The following BLTP1 variants were observed in gnomAD, a reference collection of about 807,000 sequenced individuals.
The protein encoded by BLTP1 is fragile site-associated protein.
the BLTP1 span, among the ~76,000 whole-genome samples, chr4:122,287,170 A>G: frequency 7.2e-5 from 11 of 152,210 alleles, 1 homozygote; most frequent in South Asian, 2.1e-4. Context: ...TCATTTTGTA[A>G]GTGAGCAAAC....
chr4:122,362,193 T>C, the BLTP1 span: 1 of 1,613,454 alleles, frequency 6.2e-7, no homozygotes, highest in East Asian at 2.2e-5. Flanking sequence ...AAAAGCTCGG[T>C]ACTGCACTAC....
At chr4:122,183,181 C>T in the BLTP1 span, 3 of 420,432 alleles carry the variant, frequency 7.1e-6, no homozygotes, top group African/African-American at 6.5e-5. Context: ...ACAAAAAATA[C>T]AAAAATTAGC....
At chr4:122,170,836 A>G in the BLTP1 span, 5 of 683,038 alleles carry the variant, frequency 7.3e-6, no homozygotes, top group Non-Finnish European at 1.2e-5. Context: ...AAGTTGGAAC[A>G]CTAACACTAC....
At chr4:122,276,259 G>A in the BLTP1 span, 1 of 375,758 alleles carries the variant, frequency 2.7e-6, no homozygotes, top group Admixed American at 5.0e-5. Context: ...TAACACTGTA[G>A]TTGTGTGTTG....
At chr4:122,210,832 G>A in the BLTP1 span, 9 of 1,578,944 alleles carry the variant, frequency 5.7e-6, no homozygotes, top group African/African-American at 8.2e-5. Context: ...CTTCCAAGAA[G>A]TCTTTTGTCC....
chr4:122,169,764 A>G, the BLTP1 span: 21 of 984,144 alleles, frequency 2.1e-5, no homozygotes, highest in South Asian at 4.7e-4. Context: ...ACAGTTCTAC[A>G]GTGAATTTTT....
chr4:122,252,557 G>A, the BLTP1 span, among the ~76,000 whole-genome samples: 44 of 152,302 alleles, frequency 2.9e-4, no homozygotes, highest in African/African-American at 1.0e-3. Context: ...ATGGGGTAAG[G>A]ATTCTCTGCC....
At chr4:122,316,615 T>C in the BLTP1 span, 1 of 1,365,136 alleles carries the variant, frequency 7.3e-7, no homozygotes, top group East Asian at 2.4e-5. Flanking sequence ...AATTCCAACC[T>C]TAATATAGAT....
the BLTP1 span, among the ~76,000 whole-genome samples, chr4:122,218,614 A>C: frequency 6.6e-6 from 1 of 152,220 alleles, no homozygotes; most frequent in African/African-American, 2.4e-5. Flanking sequence ...AGATATGCTG[A>C]CAATGTTAAC....
the BLTP1 span, chr4:122,325,716 T>G: frequency 2.3e-6 from 2 of 860,964 alleles, no homozygotes; most frequent in Non-Finnish European, 3.2e-6. Flanking sequence ...AAGATCAGCT[T>G]CAAAGTTGTA....
At chr4:122,152,909 C>G in the BLTP1 span, 2 of 808,536 alleles carry the variant, frequency 2.5e-6, no homozygotes, top group Non-Finnish European at 3.0e-6. Flanking sequence ...CCCGCAGGCT[C>G]GGACTGCAGC....
At chr4:122,312,219 A>G in the BLTP1 span, among the ~76,000 whole-genome samples, 8 of 152,200 alleles carry the variant, frequency 5.3e-5, no homozygotes, top group African/African-American at 1.9e-4. Flanking sequence ...AATTTCCTGT[A>G]TAGATGGAGT....
At chr4:122,310,130 A>C in the BLTP1 span, among the ~76,000 whole-genome samples, 1 of 152,104 alleles carries the variant, frequency 6.6e-6, no homozygotes, top group African/African-American at 2.4e-5. Context: ...TGTAAACTAA[A>C]TTACTTACTT....
At chr4:122,190,468 T>C in the BLTP1 span, 1 of 927,430 alleles carries the variant, frequency 1.1e-6, no homozygotes, top group Middle Eastern at 5.6e-4. Flanking sequence ...TCTAGTAATA[T>C]TTTAAATCTT....
At chr4:122,204,437 A>G in the BLTP1 span, 1 of 831,770 alleles carries the variant, frequency 1.2e-6, no homozygotes, top group Non-Finnish European at 1.4e-6. Flanking sequence ...GGTAGCTGTT[A>G]TTACTATCCC....
chr4:122,261,151 T>C, the BLTP1 span: 21 of 340,368 alleles, frequency 6.2e-5, no homozygotes, highest in African/African-American at 4.2e-4. Context: ...ATGGCTCTTT[T>C]AGTTAAAACA....
chr4:122,223,024 C>A, the BLTP1 span: 2 of 873,744 alleles, frequency 2.3e-6, no homozygotes, highest in East Asian at 1.2e-4. Context: ...TGAGTCTCAG[C>A]GTCAGAAGAT....
At chr4:122,185,169 G>T in the BLTP1 span, 1 of 983,210 alleles carries the variant, frequency 1.0e-6, no homozygotes, top group Admixed American at 6.2e-5. Flanking sequence ...TAGGTGAAAA[G>T]AAAGGATTTT....
the BLTP1 span, chr4:122,173,086 C>T: frequency 1.2e-6 from 2 of 1,611,482 alleles, no homozygotes; most frequent in Non-Finnish European, 1.7e-6. Context: ...TTATAATTCC[C>T]GGAATGTTGG....
Sources: allele counts gnomAD v4.1 joint callset (sites outside exome capture counted in the v4.1 genomes callset), GRCh38; gene constraint gnomAD v4.1.1; transcripts MANE v1.5; gene names NCBI Gene and HGNC (gene_info 2026-07-23, HGNC 2026-07-21).